Variants in NFIB observed in about 807,000 individuals in gnomAD.
NFIB encodes nuclear factor I B, also known as nuclear factor 1 B-type.
Under a neutral mutation model 61.5 loss-of-function variants are expected in NFIB, and 11 were observed. The ratio of observed to expected loss-of-function variants is 0.18; its 90% CI spans 0.11 to 0.30. The LOEUF is 0.30. Ranked by LOEUF, NFIB falls within the 10% of genes least tolerant of loss-of-function variation. The pLI, the probability that NFIB is intolerant of heterozygous loss-of-function variation, is 1.00. For missense variants in NFIB, 471 were observed against 608.9 expected (o/e 0.77, Z 2.38); for synonymous variants, 260 against 216.5 (o/e 1.20, Z -1.76).
chr9:14,218,198 G>T (rs1286932291), intron 2 of NFIB, among the ~76,000 whole-genome samples: 1 of 152,206 alleles, frequency 6.6e-6, no homozygotes, highest in African/African-American at 2.4e-5. Flanking sequence ...AAAAAGGCCA[G>T]TTGTACAGGA....
chr9:14,451,571 G>A, the NFIB span, among the ~76,000 whole-genome samples: 9 of 152,118 alleles, frequency 5.9e-5, no homozygotes, highest in East Asian at 9.6e-4. Context: ...ACTTCAGGCC[G>A]AACATAAGTT....
In NFIB at chr9:14,291,227, T is replaced by C. The variant is rs113495254; in HGVS notation, c.562+15762A>G. On this transcript the variant is annotated intron_variant, in intron 2 of 10. Coordinates refer to ENST00000380953, the MANE Select transcript of NFIB (RefSeq NM_001190737.2). ...GGCCAGGCAAGGTGGCTCACGCCTG[T>C]AATCCCAGCACTTTTGGGAGGCTGA... Among the ~76,000 whole-genome samples the C allele has an allele frequency of 6.3e-3, 961 of 152,214 alleles. 11 individuals carry two copies. Among genetic ancestry groups the C allele is most frequent in the African/African-American group, 0.022 (902 of 41,564 alleles).
chr9:14,245,816 T>A (rs2054859636), intron 2 of NFIB, among the ~76,000 whole-genome samples: 1 of 152,168 alleles, frequency 6.6e-6, no homozygotes, highest in South Asian at 2.1e-4. Context: ...GACATTGCAG[T>A]GAGCCGAGAT....
chr9:14,251,002 C>G (rs2055544292), intron 2 of NFIB, among the ~76,000 whole-genome samples: 1 of 152,172 alleles, frequency 6.6e-6, no homozygotes, highest in East Asian at 1.9e-4. Flanking sequence ...AGAGACTTTT[C>G]TTAGGTGATG....
At chr9:14,195,072 C>A (rs551690986) in intron 2 of NFIB, among the ~76,000 whole-genome samples, 1 of 152,098 alleles carries the variant, frequency 6.6e-6, no homozygotes, top group African/African-American at 2.4e-5. Flanking sequence ...CCAATAAGGT[C>A]CCCAGAGAAT....
At chr9:14,314,155 G>T, upstream of NFIB, 1 of 983,186 alleles carries the variant, frequency 1.0e-6, no homozygotes, top group African/African-American at 1.8e-5. Context: ...CGGGTGGCGG[G>T]GCGCGCGCGG....
At chr9:14,219,810 A>G (rs996523287) in intron 2 of NFIB, among the ~76,000 whole-genome samples, 2 of 152,228 alleles carry the variant, frequency 1.3e-5, no homozygotes, top group African/African-American at 4.8e-5. Context: ...ATTCTTTTTA[A>G]CACAATGGAA....
Position 14,360,399 on chromosome 9 carries a change from A to G in NFIB, c.108+38125T>C, listed in dbSNP as rs182364400. Among the ~76,000 whole-genome samples, 18 of 152,282 alleles carry G rather than the reference A, an allele frequency of 1.2e-4. No homozygotes were observed. In the East Asian group the frequency reaches 3.1e-3, roughly 26 times the overall value. On this transcript the variant is annotated intron_variant, in intron 1 of 8. Transcript: ENST00000380934. ...TTCAAGTAATTTTATTATTTTTCCTAAACAGAATTTGGTTAATGCACAATT... is the reference window on the plus strand; with the variant it reads ...TTCAAGTAATTTTATTATTTTTCCTGAACAGAATTTGGTTAATGCACAATT...
Position 14,120,686 on chromosome 9 carries a change from A to G in NFIB, c.1061-62T>C, listed in dbSNP as rs1028573798. On this transcript the variant is annotated intron_variant, in intron 7 of 10. Coordinates refer to ENST00000380953, the MANE Select transcript of NFIB (RefSeq NM_001190737.2). The surrounding 1 kb of genome is among the most constrained non-coding windows in gnomAD (Gnocchi z 4.4). ...CTGGTTACCTTATTGCTCCATTCTG[A>G]TCCTGAAGAATGCTGTGAAACTACA... The G allele has an allele frequency of 6.9e-6, 10 of 1,449,644 alleles. No homozygotes were observed. The African/African-American group carries it at 1.3e-4, about 19-fold the overall frequency. The allele number at this position is 1,449,644 out of a possible 1,614,324, so 89.8% of individuals were successfully genotyped here. A position where few individuals can be genotyped will look rare whatever the true frequency, so the allele number is the denominator to read the frequency against.
intron 2 of NFIB, among the ~76,000 whole-genome samples, chr9:14,282,936 G>C (rs1421406049): frequency 6.6e-6 from 1 of 152,182 alleles, no homozygotes; most frequent in Non-Finnish European, 1.5e-5. Context: ...ACATAAGTTA[G>C]TTGTGAGAAT....
chr9:14,146,269 C>T (rs2042266846), intron 6 of NFIB, among the ~76,000 whole-genome samples: 1 of 152,080 alleles, frequency 6.6e-6, no homozygotes, highest in Non-Finnish European at 1.5e-5. Flanking sequence ...AAAGGAATTG[C>T]AGGTTCCTTT....
intron 2 of NFIB, among the ~76,000 whole-genome samples, chr9:14,277,563 C>T (rs2058087267): frequency 1.3e-5 from 2 of 152,208 alleles, no homozygotes; most frequent in South Asian, 2.1e-4. Context: ...CATTAGTCCT[C>T]GTAGGTGAAA....
intron 2 of NFIB, among the ~76,000 whole-genome samples, chr9:14,214,414 G>T (rs1252219990): frequency 6.6e-6 from 1 of 152,168 alleles, no homozygotes; most frequent in Non-Finnish European, 1.5e-5. Context: ...ACACATTAGG[G>T]AGCTGGTCCT....
At chr9:14,210,274 T>C (rs2050176554) in intron 2 of NFIB, among the ~76,000 whole-genome samples, 2 of 144,982 alleles carry the variant, frequency 1.4e-5, no homozygotes, top group Admixed American at 6.9e-5. Flanking sequence ...ACGTGTAAAG[T>C]AGTAAATGTA....
At chr9:14,408,792 A>C in the NFIB span, among the ~76,000 whole-genome samples, 1 of 152,212 alleles carries the variant, frequency 6.6e-6, no homozygotes, top group African/African-American at 2.4e-5. Context: ...GCAAATACAC[A>C]GTACTTATTA....
At chr9:14,375,848 T>C (rs16931633) in intron 1 of NFIB, among the ~76,000 whole-genome samples, 5,514 of 152,148 alleles carry the variant, frequency 0.036, 346 homozygotes, top group African/African-American at 0.13. Flanking sequence ...GATGGGAAAT[T>C]AAAAGTCCTT....
At chr9:14,458,663 G>C in the NFIB span, among the ~76,000 whole-genome samples, 1 of 152,174 alleles carries the variant, frequency 6.6e-6, no homozygotes, top group Non-Finnish European at 1.5e-5. Context: ...AGCAACTTCA[G>C]CAAAGTCTCA....
intron 2 of NFIB, among the ~76,000 whole-genome samples, chr9:14,254,232 T>G (rs987442537): frequency 4.6e-5 from 7 of 151,326 alleles, no homozygotes; most frequent in Non-Finnish European, 1.0e-4. Flanking sequence ...ACCTGGGAGG[T>G]AGAGGTTGCA....
chr9:14,422,667 A>C, the NFIB span, among the ~76,000 whole-genome samples: 1 of 152,240 alleles, frequency 6.6e-6, no homozygotes. Flanking sequence ...AGATTGGCTC[A>C]GCATAGGTCA....
Sources: allele counts gnomAD v4.1 joint callset (sites outside exome capture counted in the v4.1 genomes callset), GRCh38; gene constraint gnomAD v4.1.1; non-coding constraint Gnocchi (gnomAD v3.1); transcripts MANE v1.5; gene names NCBI Gene and HGNC (gene_info 2026-07-23, HGNC 2026-07-21).